The following ELP2 variants were observed in gnomAD, a reference collection of about 807,000 sequenced individuals.
The protein encoded by ELP2 is elongator complex protein 2.
Under a neutral mutation model 119.2 loss-of-function variants are expected in ELP2, and 90 were observed. The observed-to-expected ratio is 0.75, with a 90% CI of 0.64 to 0.90. The LOEUF is 0.90. ELP2 is among the 40% of genes least tolerant of loss of function. The pLI is 0.00. For synonymous variants in ELP2, 339 were observed against 331.0 expected, an observed-to-expected ratio of 1.02 and a Z score of -0.26; for missense variants, 921 against 967.8, an observed-to-expected ratio of 0.95 and a Z score of 0.64.
Position 36,177,514 on chromosome 18 carries a change from G to A in ELP2, c.*2873G>A, listed in dbSNP as rs879298071. 1 of 152,168 alleles carries A rather than the reference G, an allele frequency of 6.6e-6. No individual in the cohort carries two copies. Among genetic ancestry groups the A allele is most frequent in the Non-Finnish European group, 1.5e-5 (1 of 68,036 alleles). 9.4% of individuals were successfully genotyped at this position (152,168 alleles called of 1,614,324 possible). On this transcript the variant is annotated 3_prime_UTR_variant, in exon 22 of 22. Coordinates refer to ENST00000358232, the MANE Select transcript of ELP2 (RefSeq NM_018255.4). ...AAGGACTGGGGGAGGAGGAAATGAG[G>A]AGTTGTTTAATGGGTATAGTGTTTC...
intron 12 of ELP2, among the ~76,000 whole-genome samples, chr18:36,155,691 A>G (rs1269323429): frequency 6.6e-6 from 1 of 152,196 alleles, no homozygotes; most frequent in Non-Finnish European, 1.5e-5. Context: ...GGTGTGAGCC[A>G]CCATGCCCAG....
chr18:36,146,510 T>C (rs771338391), intron 11 of ELP2, 129 bp downstream of exon 11: 2 of 984,432 alleles, frequency 2.0e-6, no homozygotes, highest in Admixed American at 2.2e-5. Flanking sequence ...CATAACTTTT[T>C]TCTGTAGACA....
rs2091294390 is a variant in ELP2 at position 36,179,670 on chromosome 18, AG to A, written c.*5032del. 1 of 152,170 alleles carries A rather than the reference AG, an allele frequency of 6.6e-6. No individual in the cohort carries two copies. The highest frequency in any genetic ancestry group is 1.5e-5 in the Non-Finnish European group (1 of 68,048). The allele number at this position is 152,170 out of a possible 1,614,324, so 9.4% of individuals were successfully genotyped here. A position where few individuals can be genotyped will look rare whatever the true frequency, so the allele number is the denominator to read the frequency against. On this transcript the variant is annotated 3_prime_UTR_variant, in exon 22 of 22. Transcript: ENST00000358232. Reference sequence around the variant, plus strand: ...GTCCCCAGACTGTCTCCCGACACAGAGGGATGCAAAGGCAGCCTCTTCCTGC... The same window carrying A: ...GTCCCCAGACTGTCTCCCGACACAGAGGATGCAAAGGCAGCCTCTTCCTGC...
chr18:36,136,353 T>A lies in ELP2; in HGVS notation c.264T>A (p.Ile88=). 1 of 1,612,204 alleles carries A rather than the reference T, an allele frequency of 6.2e-7. No homozygotes were observed. Among genetic ancestry groups the A allele is most frequent in the South Asian group, 1.1e-5 (1 of 91,058 alleles). The part of the protein sequence containing the change: ...LVSGGSDNQV[I]HWEIEDNQLL... The stretch of plus-strand genomic sequence containing the variant: ...CTGGAGGATCTGATAATCAAGTGAT[T>A]CACTGGGAAATAGAGGATAATCAGG... Residue 88 remains isoleucine (I), a synonymous_variant, in exon 3 of 22, where the codon ATT becomes ATA. Transcript: ENST00000358232.
chr18:36,151,344 A>G (rs2090393855), intron 11 of ELP2, among the ~76,000 whole-genome samples: 1 of 151,042 alleles, frequency 6.6e-6, no homozygotes. Context: ...CTGCCTCCCA[A>G]AGTGCTGAGA....
chr18:36,130,101 T>C, intron 1 of ELP2, 30 bp downstream of exon 1: 2 of 1,613,706 alleles, frequency 1.2e-6, no homozygotes. Flanking sequence ...GGCCGACCCT[T>C]GTGCTTTTCG....
intron 17 of ELP2, among the ~76,000 whole-genome samples, chr18:36,161,489 A>G (rs897484782): frequency 6.6e-6 from 1 of 152,182 alleles, no homozygotes; most frequent in Non-Finnish European, 1.5e-5. Context: ...GGAAACCTGG[A>G]GTGAAATCCA....
intron 11 of ELP2, among the ~76,000 whole-genome samples, chr18:36,152,952 A>G (rs1276460654): frequency 1.3e-5 from 2 of 152,160 alleles, no homozygotes. Flanking sequence ...CTTCCCCCAC[A>G]TTGACTACCT....
intron 21 of ELP2, among the ~76,000 whole-genome samples, chr18:36,172,959 C>T (rs1436324165): frequency 6.6e-6 from 1 of 152,152 alleles, no homozygotes; most frequent in Non-Finnish European, 1.5e-5. Context: ...AAAGCTTTTG[C>T]TAGTAATAAG....
chr18:36,136,636 A>T (rs1349089990), intron 3 of ELP2: 4 of 415,426 alleles, frequency 9.6e-6, no homozygotes, highest in Non-Finnish European at 1.7e-5. Flanking sequence ...ATATACTTTT[A>T]TTTTAAGTTT....
chr18:36,133,732 A>G (rs1046310518), intron 2 of ELP2, among the ~76,000 whole-genome samples: 2 of 46,266 alleles, frequency 4.3e-5, no homozygotes, highest in African/African-American at 1.1e-4. Flanking sequence ...TTATTTATTT[A>G]TTTATTTTTT....
At chr18:36,132,600 C>T (rs17648814) in intron 1 of ELP2, among the ~76,000 whole-genome samples, 3,583 of 152,268 alleles carry the variant, frequency 0.024, 56 homozygotes, top group Middle Eastern at 0.044. Context: ...AGTATGAGAC[C>T]TCCAAGTGTG....
chr18:36,173,723 T>C (rs1464154427), intron 21 of ELP2, among the ~76,000 whole-genome samples: 1 of 152,232 alleles, frequency 6.6e-6, no homozygotes, highest in Non-Finnish European at 1.5e-5. Flanking sequence ...AAGTGTAATG[T>C]GTGTGCTCTG....
chr18:36,130,036 G>A lies in ELP2; in HGVS notation c.103G>A (p.Gly35Ser). 6.2e-7 allele frequency: 1 copy of A among 1,614,174 alleles called. No homozygotes were observed. Among genetic ancestry groups the A allele is most frequent in the Non-Finnish European group, 8.5e-7 (1 of 1,180,034 alleles). ...TGGGCCCAGAGGACTTCTGGCCTTTGGCACGTCCTGCTCCGTGGTGCTCTA... is the reference window on the plus strand; with the variant it reads ...TGGGCCCAGAGGACTTCTGGCCTTTAGCACGTCCTGCTCCGTGGTGCTCTA... ...SSGPRGLLAF[G>S]TSCSVVLYDP... Residue 35 changes from glycine to serine, a missense_variant, in exon 1 of 22, where the codon GGC becomes AGC. Physicochemically the swap from Gly to Ser is moderately conservative, Grantham distance 56. Coordinates refer to ENST00000358232, the MANE Select transcript of ELP2 (RefSeq NM_018255.4).
At chr18:36,131,899 A>G (rs888273438) in intron 1 of ELP2, among the ~76,000 whole-genome samples, 1 of 140,126 alleles carries the variant, frequency 7.1e-6, no homozygotes, top group Non-Finnish European at 1.5e-5. Context: ...CCTAAAAAGT[A>G]CTTTGTCCTG....
intron 11 of ELP2, among the ~76,000 whole-genome samples, chr18:36,147,246 A>G (rs1267132476): frequency 6.6e-6 from 1 of 151,722 alleles, no homozygotes; most frequent in East Asian, 1.9e-4. Context: ...GCTAATATCT[A>G]AAATTTTTTT....
In ELP2 at chr18:36,141,166, T is replaced by G. The variant is rs940781603; in HGVS notation, c.553T>G (p.Cys185Gly). 6.1e-5 allele frequency: 99 copies of G among 1,613,820 alleles called. No individual in the cohort carries two copies. The highest frequency in any genetic ancestry group is 8.1e-5 in the Non-Finnish European group (96 of 1,179,900). The change falls in exon 6 of 22, where the codon TGC becomes GGC. Residue 185 changes from cysteine to glycine, a missense_variant. Physicochemically the swap from Cys to Gly is radical, Grantham distance 159. Coordinates refer to ENST00000358232, the MANE Select transcript of ELP2 (RefSeq NM_018255.4). ...VPILACGNDDCRIHIFAQQND... is the reference protein window; with the variant it reads ...VPILACGNDDGRIHIFAQQND... ...AATATTAGCATGTGGCAATGATGAT[T>G]GCAGAATTCACATATTTGCTCAACA...
Position 36,177,731 on chromosome 18 carries a change from A to G in ELP2, c.*3090A>G, listed in dbSNP as rs1178491526. The G allele has an allele frequency of 6.6e-6, 1 of 152,230 alleles. No individual in the cohort carries two copies. Among genetic ancestry groups the G allele is most frequent in the Non-Finnish European group, 1.5e-5 (1 of 68,046 alleles). The allele number at this position is 152,230 out of a possible 1,614,324, so 9.4% of individuals were successfully genotyped here. A position where few individuals can be genotyped will look rare whatever the true frequency, so the allele number is the denominator to read the frequency against. ...ATCGGTACTAAAAAAAAAGTGCTCC[A>G]AAGTAAGATATATTTGGGAAACACA... On this transcript the variant is annotated 3_prime_UTR_variant, in exon 22 of 22. Transcript: ENST00000358232.
chr18:36,161,521 C>T (rs566432724), intron 17 of ELP2, among the ~76,000 whole-genome samples: 114 of 152,202 alleles, frequency 7.5e-4, no homozygotes, highest in Non-Finnish European at 1.3e-3. Flanking sequence ...TTTGAGGACA[C>T]TCTTGGCACT....
Sources: allele counts gnomAD v4.1 joint callset (sites outside exome capture counted in the v4.1 genomes callset), GRCh38; gene constraint gnomAD v4.1.1; transcripts MANE v1.5; gene names NCBI Gene and HGNC (gene_info 2026-07-23, HGNC 2026-07-21).